SRGAP2: variants seen among roughly 807,000 people sequenced by gnomAD.
SRGAP2 encodes SLIT-ROBO Rho GTPase activating protein 2.
SRGAP2 carries 15 observed loss-of-function variants against 57.2 expected under a neutral mutation model. The ratio of observed to expected loss-of-function variants is 0.26; its 90% confidence interval spans 0.18 to 0.40. The LOEUF (loss-of-function observed/expected upper bound fraction) is 0.40. SRGAP2 is among the 10% of genes least tolerant of loss of function. The probability of loss-of-function intolerance (pLI) is 1.00; values close to 1 mark genes in which losing one functional copy is unlikely to be tolerated. For synonymous variants in SRGAP2, 249 were observed against 248.0 expected (o/e 1.00, Z -0.04); for missense variants, 520 against 669.6 (o/e 0.78, Z 2.47).
chr1:206,391,197 A>G (rs1656910807), intron 5 of SRGAP2, among the ~76,000 whole-genome samples: 2 of 145,072 alleles, frequency 1.4e-5, no homozygotes, highest in East Asian at 4.0e-4. Context: ...TGGGGGCCAA[A>G]ATAGCCCCAG....
chr1:206,428,083 C>T (rs1660959479), intron 13 of SRGAP2, among the ~76,000 whole-genome samples: 1 of 151,418 alleles, frequency 6.6e-6, no homozygotes, highest in African/African-American at 2.4e-5. Flanking sequence ...GCCTAGGCTA[C>T]AGAGGGAAAC....
At chr1:206,414,030 T>C (rs1468014062) in intron 10 of SRGAP2, among the ~76,000 whole-genome samples, 1 of 137,328 alleles carries the variant, frequency 7.3e-6, no homozygotes, top group African/African-American at 3.3e-5. Context: ...TTTCTTTTTC[T>C]TTCTTTTTTT....
At chr1:206,413,907 A>C (rs1205470772) in intron 10 of SRGAP2, among the ~76,000 whole-genome samples, 1 of 152,054 alleles carries the variant, frequency 6.6e-6, no homozygotes, top group Non-Finnish European at 1.5e-5. Context: ...GAGAAAGCAG[A>C]TTTTTCTTTT....
chr1:206,422,715 T>G (rs1660424704), intron 13 of SRGAP2, among the ~76,000 whole-genome samples: 1 of 152,334 alleles, frequency 6.6e-6, no homozygotes, highest in East Asian at 1.9e-4. Flanking sequence ...GCAGGTGATA[T>G]GTGCCCTTGG....
intron 19 of SRGAP2, among the ~76,000 whole-genome samples, 155 bp from the exon 20 acceptor site, chr1:206,453,045 G>C (rs575520884): frequency 1.3e-5 from 2 of 152,188 alleles, no homozygotes; most frequent in African/African-American, 2.4e-5. Flanking sequence ...TATAGTCTGC[G>C]TGAGAATTAC....
At chr1:206,322,375 C>G (rs1673518506) in intron 3 of SRGAP2, among the ~76,000 whole-genome samples, 1 of 147,830 alleles carries the variant, frequency 6.8e-6, no homozygotes, top group African/African-American at 2.5e-5. Flanking sequence ...AGATCAAGAC[C>G]ATCCTGGCTA....
chr1:206,354,740 TTCTC>T (rs1297991060), intron 4 of SRGAP2, among the ~76,000 whole-genome samples: 3 of 149,868 alleles, frequency 2.0e-5, no homozygotes, highest in Admixed American at 6.6e-5. Flanking sequence ...TTCTCTCTCT[TTCTC>T]TCTCTCTCTC....
intron 2 of SRGAP2, among the ~76,000 whole-genome samples, chr1:206,256,568 TC>T (rs1669197041): frequency 6.7e-6 from 1 of 149,406 alleles, no homozygotes; most frequent in Admixed American, 6.7e-5. Context: ...ACACTTGGAA[TC>T]CATGGAGAAT....
rs782601158 is a variant in SRGAP2 at position 206,458,848 on chromosome 1, G to C, written c.2733G>C (p.Lys911Asn). Residue 911 changes from lysine (K) to asparagine (N), a missense_variant, in exon 22 of 23, where the codon AAG (lysine) becomes AAC (asparagine). Lys to Asn is a moderately conservative substitution (Grantham distance 94). This residue lies in a region of SRGAP2 where 478 missense variants were observed against 373.6 expected (regional missense o/e 1.28). Coordinates refer to ENST00000573034, the MANE Select transcript of SRGAP2 (RefSeq NM_015326.5). ...CCATCAGCCGCCACTCATCCCTGAA[G>C]AATCGGCTGGATAGTCCACAGATCC... ...LNSISRHSSL[K>N]NRLDSPQIRK... is the part of the protein sequence containing the mutation. 4 of 780,728 alleles carry C rather than the reference G, an allele frequency of 5.1e-6. No individual in the cohort carries two copies. The South Asian group carries it at 5.4e-5, about 10-fold the overall frequency. 48.4% of individuals were successfully genotyped at this position (780,728 alleles called of 1,614,324 possible).
At chr1:206,262,783 C>T (rs1411208673) in intron 2 of SRGAP2, among the ~76,000 whole-genome samples, 10 of 145,310 alleles carry the variant, frequency 6.9e-5, no homozygotes, top group South Asian at 4.7e-4. Context: ...GGCCTAAATG[C>T]TGCCACCAGT....
chr1:206,347,066 ACT>A (rs1211358772), intron 4 of SRGAP2, among the ~76,000 whole-genome samples: 3 of 145,924 alleles, frequency 2.1e-5, no homozygotes, highest in Non-Finnish European at 3.0e-5. Context: ...ACATAGCAAG[ACT>A]CTGTCTCTAC....
In SRGAP2 at chr1:206,462,683, C is replaced by T. The variant is rs1664341387; in HGVS notation, c.*1263C>T. 1 of 152,118 alleles carries T rather than the reference C, an allele frequency of 6.6e-6. No homozygotes were observed. Among genetic ancestry groups the T allele is most frequent in the Admixed American group, 6.5e-5 (1 of 15,280 alleles). The allele number at this position is 152,118 out of a possible 1,614,324, so 9.4% of individuals were successfully genotyped here. ...TGCAAACAAGGACAATTAAGGGAAC[C>T]CTGACCCCACAGGCTCTCAAGTCTT... On this transcript the variant is annotated 3_prime_UTR_variant, in exon 23 of 23. Coordinates refer to ENST00000573034, the MANE Select transcript of SRGAP2 (RefSeq NM_015326.5).
intron 3 of SRGAP2, among the ~76,000 whole-genome samples, chr1:206,312,804 T>G (rs1327317103): frequency 1.3e-5 from 2 of 152,088 alleles, no homozygotes; most frequent in African/African-American, 4.8e-5. Flanking sequence ...GTAGGAAGCC[T>G]TTCTAGGGAA....
intron 2 of SRGAP2, among the ~76,000 whole-genome samples, chr1:206,244,149 C>G (rs1211270026): frequency 6.8e-5 from 5 of 73,740 alleles, no homozygotes; most frequent in Non-Finnish European, 1.2e-4. Flanking sequence ...TCTTTTGTCA[C>G]TGCCACTGTT....
chr1:206,459,939 C>T (rs1664125897), intron 22 of SRGAP2, among the ~76,000 whole-genome samples: 1 of 152,220 alleles, frequency 6.6e-6, no homozygotes, highest in Admixed American at 6.5e-5. Context: ...TCCCAGCTCC[C>T]TCCTTGGCCA....
intron 18 of SRGAP2, among the ~76,000 whole-genome samples, chr1:206,448,022 G>A (rs996885863): frequency 6.6e-6 from 1 of 152,192 alleles, no homozygotes; most frequent in Non-Finnish European, 1.5e-5. Flanking sequence ...AGAAGCACCT[G>A]AGGAACAAGA....
chr1:206,440,040 C>T lies in SRGAP2; in HGVS notation c.1833C>T (p.Thr611=), dbSNP rs782449652. ...AAGTCCTCCTAGTCCTGCCCAAAAC[C>T]ACTCTGATTATCATGAGATACCTCT... ...IRKVLLVLPK[T]TLIIMRYLFA... Residue 611 remains threonine (T), a synonymous_variant, in exon 17 of 23, where the codon ACC becomes ACT. Coordinates refer to ENST00000573034, the MANE Select transcript of SRGAP2 (RefSeq NM_015326.5). The T allele has an allele frequency of 2.6e-6, 2 of 780,910 alleles. No individual in the cohort carries two copies. The highest frequency in any genetic ancestry group is 4.8e-6 in the Non-Finnish European group (2 of 417,976). The allele number at this position is 780,910 out of a possible 1,614,324, so 48.4% of individuals were successfully genotyped here.
intron 13 of SRGAP2, among the ~76,000 whole-genome samples, chr1:206,428,146 G>A (rs1553366982): frequency 6.6e-6 from 1 of 151,862 alleles, no homozygotes; most frequent in Non-Finnish European, 1.5e-5. Context: ...GCCGGGCGTG[G>A]TGACTCACGC....
intron 3 of SRGAP2, among the ~76,000 whole-genome samples, chr1:206,341,081 C>T (rs2102913111): frequency 6.6e-6 from 1 of 152,268 alleles, no homozygotes; most frequent in South Asian, 2.1e-4. Flanking sequence ...TTGGGTTAGA[C>T]AGATATTTGA....
Sources: allele counts gnomAD v4.1 joint callset (sites outside exome capture counted in the v4.1 genomes callset), GRCh38; gene constraint gnomAD v4.1.1; regional missense constraint gnomAD v4.1.1; transcripts MANE v1.5; gene names NCBI Gene and HGNC (gene_info 2026-07-23, HGNC 2026-07-21).